The following NKAIN2 variants were observed in gnomAD, a reference collection of about 807,000 sequenced individuals.
NKAIN2 encodes sodium/potassium-transporting ATPase subunit beta-1-interacting protein 2.
Under a neutral mutation model 32.6 loss-of-function variants are expected in NKAIN2, and 14 were observed. The observed-to-expected ratio is 0.43, with a 90% CI of 0.28 to 0.67. The LOEUF is 0.67. Ranked by LOEUF, NKAIN2 falls within the 30% of genes least tolerant of loss-of-function variation. NKAIN2 has a pLI of 0.17. For missense variants in NKAIN2, 198 were observed against 258.3 expected, an observed-to-expected ratio of 0.77 and a Z score of 1.60; for synonymous variants, 80 against 87.2, an observed-to-expected ratio of 0.92 and a Z score of 0.46.
At chr6:124,358,058 G>A (rs563896107) in intron 3 of NKAIN2, among the ~76,000 whole-genome samples, 1 of 152,152 alleles carries the variant, frequency 6.6e-6, no homozygotes. Context: ...AGTTTGCTCA[G>A]AATGATGGTT....
chr6:124,601,996 A>T (rs976427486), intron 3 of NKAIN2, among the ~76,000 whole-genome samples: 1 of 151,966 alleles, frequency 6.6e-6, no homozygotes, highest in Admixed American at 6.6e-5. Flanking sequence ...AATCTCCCCA[A>T]TTTTTAGATA....
chr6:124,017,472 C>G (rs1463530101), intron 1 of NKAIN2, among the ~76,000 whole-genome samples: 1 of 152,164 alleles, frequency 6.6e-6, no homozygotes, highest in Non-Finnish European at 1.5e-5. Flanking sequence ...AGTACAAAGT[C>G]TCTTCTGAGA....
intron 1 of NKAIN2, among the ~76,000 whole-genome samples, chr6:123,926,627 G>A (rs1238870478): frequency 6.6e-6 from 1 of 152,162 alleles, no homozygotes; most frequent in Non-Finnish European, 1.5e-5. Flanking sequence ...TCTCTCTAGA[G>A]ATATTGCATA....
intron 1 of NKAIN2, among the ~76,000 whole-genome samples, chr6:123,837,881 C>A (rs1405008988): frequency 6.6e-6 from 1 of 152,108 alleles, no homozygotes; most frequent in Admixed American, 6.5e-5. Flanking sequence ...CCAAGATGTC[C>A]TTGTGCATGG....
intron 5 of NKAIN2, among the ~76,000 whole-genome samples, chr6:124,803,738 T>C (rs1780376829): frequency 6.6e-6 from 1 of 152,114 alleles, no homozygotes; most frequent in Non-Finnish European, 1.5e-5. Context: ...TTTTAGTAAA[T>C]TCTAATACAA....
intron 1 of NKAIN2, among the ~76,000 whole-genome samples, chr6:124,140,752 T>C (rs1787093824): frequency 6.6e-6 from 1 of 152,186 alleles, no homozygotes; most frequent in African/African-American, 2.4e-5. Context: ...ACATTCATTG[T>C]AGAAAAAAAT....
intron 3 of NKAIN2, 64 bp from the exon 4 acceptor site, chr6:124,658,122 G>T (rs1301738277): frequency 5.4e-6 from 7 of 1,298,722 alleles, no homozygotes; most frequent in Non-Finnish European, 7.4e-6. Flanking sequence ...AAGCAAGTCA[G>T]TCCCAAGTAA....
intron 5 of NKAIN2, among the ~76,000 whole-genome samples, chr6:124,799,584 G>A (rs970537015): frequency 6.6e-6 from 1 of 152,156 alleles, no homozygotes; most frequent in Non-Finnish European, 1.5e-5. Context: ...AACAATCAGA[G>A]CTTTGTTTCT....
chr6:124,452,891 G>C (rs1488000416), intron 3 of NKAIN2, among the ~76,000 whole-genome samples: 1 of 152,104 alleles, frequency 6.6e-6, no homozygotes, highest in Non-Finnish European at 1.5e-5. Flanking sequence ...CTAGGGTCAT[G>C]TTACATCTAA....
chr6:123,902,613 G>A (rs1171908387), intron 1 of NKAIN2, among the ~76,000 whole-genome samples: 1 of 152,124 alleles, frequency 6.6e-6, no homozygotes, highest in Non-Finnish European at 1.5e-5. Context: ...AAAGTTGTTA[G>A]TACCATCTTG....
chr6:124,517,748 T>C (rs1335263250), intron 3 of NKAIN2, among the ~76,000 whole-genome samples: 2 of 152,196 alleles, frequency 1.3e-5, no homozygotes, highest in Non-Finnish European at 2.9e-5. Flanking sequence ...TTTAAAATGT[T>C]AATATGACTA....
chr6:124,055,836 A>T (rs2114843771), intron 1 of NKAIN2, among the ~76,000 whole-genome samples: 1 of 152,214 alleles, frequency 6.6e-6, no homozygotes, highest in African/African-American at 2.4e-5. Context: ...AAAATGGGAT[A>T]TTCAAAAAGG....
chr6:123,887,829 A>G (rs1773799855), intron 1 of NKAIN2, among the ~76,000 whole-genome samples: 1 of 151,690 alleles, frequency 6.6e-6, no homozygotes, highest in South Asian at 2.1e-4. Context: ...ACTGCAGATG[A>G]CTCCTTTCAA....
At chr6:124,114,009 A>G (rs1347436351) in intron 1 of NKAIN2, among the ~76,000 whole-genome samples, 1 of 152,118 alleles carries the variant, frequency 6.6e-6, no homozygotes, top group Non-Finnish European at 1.5e-5. Flanking sequence ...CTCTTGGGTA[A>G]ATACTAGGAA....
intron 3 of NKAIN2, chr6:124,438,054 C>CCTG: frequency 3.8e-6 from 1 of 260,126 alleles, no homozygotes; most frequent in Non-Finnish European, 7.7e-6. Context: ...TAGACCTGGG[C>CCTG]TTCACATATG....
chr6:123,857,915 T>G (rs1397063036), intron 1 of NKAIN2, among the ~76,000 whole-genome samples: 1 of 150,480 alleles, frequency 6.6e-6, no homozygotes, highest in Non-Finnish European at 1.5e-5. Context: ...ATTATTGGCC[T>G]GACAAGGCTA....
intron 4 of NKAIN2, among the ~76,000 whole-genome samples, chr6:124,745,253 G>C (rs1013031738): frequency 2.6e-5 from 4 of 151,824 alleles, no homozygotes; most frequent in Non-Finnish European, 5.9e-5. Flanking sequence ...TGAAGTTAAA[G>C]AAGACTTTAC....
Position 124,348,313 on chromosome 6 carries a change from C to T in NKAIN2, c.193-6954C>T, listed in dbSNP as rs9401735. Among the ~76,000 whole-genome samples the T allele has an allele frequency of 7.2e-3, 1,095 of 152,252 alleles. 28 individuals are homozygous for T. Among genetic ancestry groups the T allele is most frequent in the Admixed American group, 0.057 (873 of 15,292 alleles). ...GGCCCACTTGAGGAGGCAGTCTGCC[C>T]GTTCTCAGATCTCCAGCTGCGTGCT... On this transcript the variant is annotated intron_variant, in intron 2 of 6. Coordinates refer to ENST00000368417, the MANE Select transcript of NKAIN2 (RefSeq NM_001040214.3).
intron 1 of NKAIN2, among the ~76,000 whole-genome samples, chr6:123,878,835 C>T (rs561891519): frequency 6.6e-6 from 1 of 152,216 alleles, no homozygotes; most frequent in East Asian, 1.9e-4. Flanking sequence ...CAACCTCCCC[C>T]TCCTCCCTGC....
Sources: gnomAD v4.1 joint callset for allele counts (sites outside exome capture counted in the v4.1 genomes callset) on GRCh38, gnomAD v4.1.1 for gene constraint, MANE v1.5 for transcripts, NCBI Gene and HGNC (gene_info 2026-07-23, HGNC 2026-07-21) for gene names.